WDR72: variants seen among roughly 807,000 people sequenced by gnomAD.
WDR72 encodes WD repeat domain 72.
A neutral mutation model predicts 124.2 loss-of-function variants in WDR72; 120 were observed. That is an observed-to-expected ratio of 0.97 (90% CI 0.83 to 1.12). The LOEUF is 1.12. Ranked by LOEUF, WDR72 falls within the 50% of genes most tolerant of loss-of-function variation. WDR72 has a pLI of 0.00. For missense variants in WDR72, 1,387 were observed against 1,278.8 expected (o/e 1.08, Z -1.29); for synonymous variants, 452 against 441.7 (o/e 1.02, Z -0.29).
At chr15:53,704,902 A>C in intron 11 of WDR72, 86 bp downstream of exon 11, 2 of 1,466,388 alleles carry the variant, frequency 1.4e-6, no homozygotes, top group East Asian at 4.6e-5. Flanking sequence ...CAAATTATTT[A>C]GGCCTCTAAA....
intron 18 of WDR72, among the ~76,000 whole-genome samples, chr15:53,523,926 G>A (rs10152470): frequency 0.16 from 23,737 of 152,016 alleles, 2,363 homozygotes; most frequent in East Asian, 0.33. Flanking sequence ...AACCTATCAT[G>A]AGATATTGTA....
intron 15 of WDR72, 58 bp downstream of exon 15, chr15:53,615,368 T>C (rs1052331411): frequency 2.7e-4 from 362 of 1,337,750 alleles, no homozygotes; most frequent in Admixed American, 3.6e-4. Context: ...TAGCAAATAA[T>C]GATATATATT....
chr15:53,679,337 T>A (rs1182461171), intron 13 of WDR72, among the ~76,000 whole-genome samples: 2 of 152,228 alleles, frequency 1.3e-5, no homozygotes, highest in African/African-American at 4.8e-5. Flanking sequence ...AGATCCCACA[T>A]CTTTGTTTAT....
rs535235344 is a variant in WDR72, at chr15:53,664,704, T to C, written c.1962+868A>G. On this transcript the variant is annotated intron_variant, in intron 14 of 19. Transcript: ENST00000360509. ...AAATATATCCTTTAAATAATCTACA[T>C]GAAAAAAGCTTTAGGTTCATAGATG... 4.6e-5 allele frequency among the ~76,000 whole-genome samples: 7 copies of C among 152,146 alleles called. No individual in the cohort carries two copies. The East Asian group carries it at 1.2e-3, about 25-fold the overall frequency.
chr15:53,708,011 C>A (rs529417699), intron 9 of WDR72, among the ~76,000 whole-genome samples: 6 of 152,244 alleles, frequency 3.9e-5, no homozygotes, highest in African/African-American at 1.4e-4. Flanking sequence ...TTCCCTGTTG[C>A]TCTCATCCCC....
At chr15:53,597,003 G>T in intron 18 of WDR72, 76 bp downstream of exon 18, 2 of 1,412,562 alleles carry the variant, frequency 1.4e-6, no homozygotes, top group Non-Finnish European at 2.0e-6. Flanking sequence ...TCGTTCAGTT[G>T]CACCACCATA....
intron 1 of WDR72, among the ~76,000 whole-genome samples, chr15:53,750,304 G>A (rs575230093): frequency 2.0e-5 from 3 of 152,176 alleles, no homozygotes; most frequent in Non-Finnish European, 4.4e-5. Flanking sequence ...CTCTGTATAT[G>A]GAACCAGAAA....
At chr15:53,687,123 T>C (rs1316402776) in intron 13 of WDR72, among the ~76,000 whole-genome samples, 5 of 148,506 alleles carry the variant, frequency 3.4e-5, no homozygotes, top group Non-Finnish European at 7.4e-5. Flanking sequence ...AGATCCAAAA[T>C]TGACACCCTA....
At chr15:53,701,123 T>C (rs1358068897) in intron 12 of WDR72, among the ~76,000 whole-genome samples, 1 of 152,194 alleles carries the variant, frequency 6.6e-6, no homozygotes, top group East Asian at 1.9e-4. Flanking sequence ...TGAATTTAAG[T>C]TGACATTTCA....
rs926532124 is a variant in WDR72 at position 53,665,523 on chromosome 15, T to C, written c.1962+49A>G. On this transcript the variant is annotated intron_variant, in intron 14 of 19. Coordinates refer to ENST00000360509, the MANE Select transcript of WDR72 (RefSeq NM_182758.4). ...GTATTTATGAATGCATATAACTTCT[T>C]ATTCGGTTGATAATGTTCTTTGTGA... is the stretch of plus-strand genomic sequence containing the variant. 4 of 1,606,190 alleles carry C rather than the reference T, an allele frequency of 2.5e-6. No homozygotes were observed. In the African/African-American group the frequency reaches 5.4e-5, roughly 21 times the overall value.
chr15:53,534,049 G>C (rs778844030), intron 18 of WDR72, among the ~76,000 whole-genome samples: 1 of 152,100 alleles, frequency 6.6e-6, no homozygotes, highest in Non-Finnish European at 1.5e-5. Context: ...GGATAACTTT[G>C]CCTCTCTACA....
chr15:53,544,505 C>T (rs1475008348), intron 18 of WDR72, among the ~76,000 whole-genome samples: 6 of 142,130 alleles, frequency 4.2e-5, no homozygotes, highest in East Asian at 2.0e-4. Flanking sequence ...ATTGATGGGA[C>T]GTATTTCAAA....
chr15:53,545,624 C>T (rs1290189872), intron 18 of WDR72, among the ~76,000 whole-genome samples: 2 of 151,084 alleles, frequency 1.3e-5, no homozygotes, highest in African/African-American at 2.4e-5. Context: ...ATGTCCAAAA[C>T]ACCAAAAGCA....
At chr15:53,704,949 G>A (rs768944496) in intron 11 of WDR72, 39 bp downstream of exon 11, 2 of 1,609,878 alleles carry the variant, frequency 1.2e-6, no homozygotes, top group Non-Finnish European at 1.7e-6. Context: ...TGCAGCTTTA[G>A]ATAAATCAAA....
At chr15:53,635,364 C>T (rs1034898407) in intron 14 of WDR72, among the ~76,000 whole-genome samples, 1 of 152,152 alleles carries the variant, frequency 6.6e-6, no homozygotes, top group African/African-American at 2.4e-5. Flanking sequence ...TGAGGTAGAT[C>T]CCTTCACTTA....
intron 13 of WDR72, among the ~76,000 whole-genome samples, chr15:53,679,179 G>A (rs2016290498): frequency 6.6e-6 from 1 of 152,188 alleles, no homozygotes; most frequent in Admixed American, 6.5e-5. Flanking sequence ...GGGCATTACT[G>A]TTCAGTGGGT....
rs774321530 is a variant in WDR72 at position 53,523,366 on chromosome 15, G to A, written c.3149-44C>T. ...AGAGAGAGAGAGACAGAAGAGAGAGGATGAAAAAGTAGTAGCAAACACCAT... is the reference window on the plus strand; with the variant it reads ...AGAGAGAGAGAGACAGAAGAGAGAGAATGAAAAAGTAGTAGCAAACACCAT... On this transcript the variant is annotated intron_variant, in intron 18 of 19. Coordinates refer to ENST00000360509, the MANE Select transcript of WDR72 (RefSeq NM_182758.4). The A allele has an allele frequency of 8.9e-6, 14 of 1,575,298 alleles. No individual in the cohort carries two copies. In the South Asian group the frequency reaches 1.5e-4, roughly 17 times the overall value.
chr15:53,538,460 T>A (rs555392209), intron 18 of WDR72, among the ~76,000 whole-genome samples: 1 of 152,008 alleles, frequency 6.6e-6, no homozygotes, highest in South Asian at 2.1e-4. Context: ...GTGGAGGAGG[T>A]CATTTGACGG....
chr15:53,678,164 T>G (rs2016245524), intron 13 of WDR72, among the ~76,000 whole-genome samples: 1 of 152,166 alleles, frequency 6.6e-6, no homozygotes, highest in Non-Finnish European at 1.5e-5. Flanking sequence ...ATCAGCAAAT[T>G]TTTCAAAAGT....
Sources: gnomAD v4.1 joint callset for allele counts (sites outside exome capture counted in the v4.1 genomes callset) on GRCh38, gnomAD v4.1.1 for gene constraint, MANE v1.5 for transcripts, NCBI Gene and HGNC (gene_info 2026-07-23, HGNC 2026-07-21) for gene names.